The following IPCEF1 variants were observed in gnomAD, a reference collection of about 807,000 sequenced individuals.
The protein encoded by IPCEF1 is interactor protein for cytohesin exchange factors 1.
Under a neutral mutation model 50.9 loss-of-function variants are expected in IPCEF1, and 31 were observed. That is an observed-to-expected ratio of 0.61 (90% CI 0.46 to 0.82). The LOEUF (loss-of-function observed/expected upper bound fraction) is 0.82, where lower values mean the gene tolerates loss of function less well. Among genes scored for constraint, IPCEF1 ranks in the 40% least tolerant of loss-of-function variants. The pLI is 0.00. For synonymous variants in IPCEF1, 181 were observed against 192.0 expected, an observed-to-expected ratio of 0.94 and a Z score of 0.47; for missense variants, 458 against 514.0, an observed-to-expected ratio of 0.89 and a Z score of 1.05.
intron 1 of IPCEF1, among the ~76,000 whole-genome samples, chr6:154,353,373 C>T (rs1048575817): frequency 2.0e-5 from 3 of 147,738 alleles, no homozygotes; most frequent in Non-Finnish European, 4.4e-5. Context: ...CGGCTCACTG[C>T]GCCTCCCGGA....
chr6:154,216,268 A>G (rs1778384824), intron 7 of IPCEF1, among the ~76,000 whole-genome samples: 1 of 152,000 alleles, frequency 6.6e-6, no homozygotes, highest in African/African-American at 2.4e-5. Flanking sequence ...GATTCTATCA[A>G]TTTCCTGTTA....
chr6:154,344,212 A>G (rs993231077), intron 1 of IPCEF1, among the ~76,000 whole-genome samples: 3 of 152,032 alleles, frequency 2.0e-5, no homozygotes, highest in African/African-American at 4.8e-5. Context: ...TCTCTTGCCT[A>G]TTAAATCATC....
chr6:154,340,317 C>T (rs571791264), intron 1 of IPCEF1, among the ~76,000 whole-genome samples: 1 of 151,556 alleles, frequency 6.6e-6, no homozygotes, highest in East Asian at 2.0e-4. Flanking sequence ...GTGGTGTGAT[C>T]TCGGCTCACT....
chr6:154,205,402 C>T (rs1777408325), intron 9 of IPCEF1, among the ~76,000 whole-genome samples: 1 of 152,102 alleles, frequency 6.6e-6, no homozygotes, highest in Non-Finnish European at 1.5e-5. Flanking sequence ...CAAGACCAGC[C>T]TGGTCAATAT....
intron 10 of IPCEF1, among the ~76,000 whole-genome samples, chr6:154,180,410 A>AT (rs1203931756): frequency 0.036 from 1,457 of 40,348 alleles, 22 homozygotes; most frequent in South Asian, 0.11. Flanking sequence ...ATATATATAT[A>AT]TATATTTTTT....
rs977832071 is a variant in IPCEF1, at chr6:154,289,761, A to G, written c.-61-5T>C. On this transcript the variant is annotated splice_polypyrimidine_tract_variant and splice_region_variant and intron_variant, in intron 1 of 11. Transcript: ENST00000367220. ...TCCAGTTCTGTTGCCTTTGACCTTT[A>G]TGGAAAAAAAAAAAAAAAAAAGAGA... The G allele has an allele frequency of 2.2e-5, 2 of 90,218 alleles. No homozygotes were observed. Among genetic ancestry groups the G allele is most frequent in the Admixed American group, 1.3e-4 (1 of 7,594 alleles). The allele number at this position is 90,218 out of a possible 1,614,324, so 5.6% of individuals were successfully genotyped here. A position where few individuals can be genotyped will look rare whatever the true frequency, so the allele number is the denominator to read the frequency against.
At chr6:154,212,573 C>T (rs1157536940) in intron 9 of IPCEF1, among the ~76,000 whole-genome samples, 197 bp downstream of exon 9, 1 of 152,142 alleles carries the variant, frequency 6.6e-6, no homozygotes, top group Admixed American at 6.5e-5. Flanking sequence ...CACAAATATA[C>T]CAAGTTTATC....
chr6:154,180,663 C>T (rs868279935), intron 10 of IPCEF1, among the ~76,000 whole-genome samples: 5 of 152,212 alleles, frequency 3.3e-5, no homozygotes, highest in Non-Finnish European at 2.9e-5. Context: ...ATTTTCAACT[C>T]TGCCTCCCCC....
intron 1 of IPCEF1, among the ~76,000 whole-genome samples, chr6:154,323,790 T>C (rs544501722): frequency 2.9e-4 from 44 of 152,224 alleles, no homozygotes; most frequent in Non-Finnish European, 1.8e-4. Flanking sequence ...CTGTCTCTAC[T>C]AAAAATACAA....
At chr6:154,169,775 T>G (rs1799727983) in intron 10 of IPCEF1, among the ~76,000 whole-genome samples, 1 of 152,226 alleles carries the variant, frequency 6.6e-6, no homozygotes, top group Admixed American at 6.5e-5. Context: ...CAATGGCAGT[T>G]CCACCATTCT....
At chr6:154,287,237 T>C (rs950061926) in intron 2 of IPCEF1, among the ~76,000 whole-genome samples, 1 of 151,898 alleles carries the variant, frequency 6.6e-6, no homozygotes, top group African/African-American at 2.4e-5. Context: ...CCTTCCACCA[T>C]GACTGTAAGT....
chr6:154,287,221 C>T (rs368379763), intron 2 of IPCEF1, among the ~76,000 whole-genome samples: 37 of 151,688 alleles, frequency 2.4e-4, no homozygotes, highest in Non-Finnish European at 5.0e-4. Flanking sequence ...GCCTATTTCC[C>T]CTTCACCTTC....
At chr6:154,243,527 T>C (rs1780767504) in intron 5 of IPCEF1, among the ~76,000 whole-genome samples, 1 of 152,182 alleles carries the variant, frequency 6.6e-6, no homozygotes, top group African/African-American at 2.4e-5. Context: ...GAGGTGAGGC[T>C]GGTCTTCCCA....
chr6:154,211,182 C>G (rs565455046), intron 9 of IPCEF1, among the ~76,000 whole-genome samples: 1 of 151,892 alleles, frequency 6.6e-6, no homozygotes, highest in Non-Finnish European at 1.5e-5. Flanking sequence ...TTTGGGAGGC[C>G]GAGGCAGGCG....
At chr6:154,275,415 C>T (rs1369547661) in intron 2 of IPCEF1, among the ~76,000 whole-genome samples, 1 of 152,192 alleles carries the variant, frequency 6.6e-6, no homozygotes, top group Admixed American at 6.5e-5. Flanking sequence ...TTCCAGGTCC[C>T]TACTAGGGTA....
intron 1 of IPCEF1, among the ~76,000 whole-genome samples, chr6:154,353,137 C>T (rs1215893484): frequency 6.6e-6 from 1 of 152,138 alleles, no homozygotes; most frequent in African/African-American, 2.4e-5. Flanking sequence ...GATTTCCCTA[C>T]AAAGACTAAA....
In IPCEF1 at chr6:154,155,425, C is replaced by G. The variant is rs1181494609; in HGVS notation, c.*4403G>C. 1.3e-5 allele frequency: 2 copies of G among 152,182 alleles called. No homozygotes were observed. The highest frequency in any genetic ancestry group is 2.4e-5 in the African/African-American group (1 of 41,438). The allele number at this position is 152,182 out of a possible 1,614,324, so 9.4% of individuals were successfully genotyped here. A position where few individuals can be genotyped will look rare whatever the true frequency, so the allele number is the denominator to read the frequency against. ...TTCTTGTTAGACTGAAGAAGAAATG[C>G]CCCCTAAAACTATGTGGATATGGCA... On this transcript the variant is annotated 3_prime_UTR_variant, in exon 12 of 12. Transcript: ENST00000367220.
rs369048950 is a variant in IPCEF1 at position 154,319,530 on chromosome 6, C to T, written c.-61-29774G>A. ...ATAAAGAAAACAGAAGATGATCCCC[C>T]GCCCCCAGGCCCTTTTTAATTCCCT... is the stretch of plus-strand genomic sequence containing the variant. On this transcript the variant is annotated intron_variant, in intron 1 of 11. Coordinates refer to ENST00000367220, the MANE Select transcript of IPCEF1 (RefSeq NM_001130700.2). Among the ~76,000 whole-genome samples, 9 of 152,306 alleles carry T rather than the reference C, an allele frequency of 5.9e-5. No individual in the cohort carries two copies. The South Asian group carries it at 1.2e-3, about 21-fold the overall frequency.
At chr6:154,288,774 T>C (rs555036554) in intron 2 of IPCEF1, among the ~76,000 whole-genome samples, 9 of 142,348 alleles carry the variant, frequency 6.3e-5, no homozygotes, top group African/African-American at 2.3e-4. Context: ...TGGAAAAAAA[T>C]GAATTAAGGC....
Sources: gnomAD v4.1 joint callset for allele counts (sites outside exome capture counted in the v4.1 genomes callset) on GRCh38, gnomAD v4.1.1 for gene constraint, MANE v1.5 for transcripts, NCBI Gene and HGNC (gene_info 2026-07-23, HGNC 2026-07-21) for gene names.